Variants in PCED1A observed in about 807,000 individuals in gnomAD.
PCED1A encodes the protein PC-esterase domain containing 1A.
Under a neutral mutation model 41.9 loss-of-function variants are expected in PCED1A, and 20 were observed. The ratio of observed to expected loss-of-function variants is 0.48; its 90% CI spans 0.34 to 0.69. The LOEUF (loss-of-function observed/expected upper bound fraction) is 0.69. Among genes scored for constraint, PCED1A ranks in the 30% least tolerant of loss-of-function variants. The pLI is 0.01. For missense variants in PCED1A, 498 were observed against 602.1 expected, an observed-to-expected ratio of 0.83 and a Z score of 1.81; for synonymous variants, 236 against 241.3, an observed-to-expected ratio of 0.98 and a Z score of 0.20.
chr20:2,840,662 C>CACG, upstream of PCED1A: 2 of 1,203,620 alleles, frequency 1.7e-6, no homozygotes, highest in Non-Finnish European at 2.4e-6. Context: ...TGGTGATGGC[C>CACG]GCGGCGGCGG....
At position 2,839,022 on chromosome 20, in the gene PCED1A, T is replaced by C. The variant is rs758165691; in HGVS notation, c.265A>G (p.Asn89Asp). The change falls in exon 4 of 8, where the codon AAC (asparagine) becomes GAC (aspartate). Residue 89 changes from asparagine (N) to aspartate (D), a missense_variant. Physicochemically the swap from Asn to Asp is conservative, Grantham distance 23. This residue lies in a region of PCED1A where 253 missense variants were observed against 369.7 expected (regional missense o/e 0.68). Transcript: ENST00000360652. ...VAGGQLGELH[N>D]GTQYREVRQF... Reference sequence around the variant, plus strand: ...CGGACCTCACGATACTGTGTCCCGTTGTGCAGCTCGCCCAGCTGGCCCCCA... The same window carrying C: ...CGGACCTCACGATACTGTGTCCCGTCGTGCAGCTCGCCCAGCTGGCCCCCA... 7 of 1,613,638 alleles carry C rather than the reference T, an allele frequency of 4.3e-6. No individual in the cohort carries two copies. The highest frequency in any genetic ancestry group is 5.9e-6 in the Non-Finnish European group (7 of 1,180,014).
chr20:2,838,285 G>T lies in PCED1A; in HGVS notation c.788C>A (p.Thr263Asn), dbSNP rs149287595. The T allele has an allele frequency of 5.0e-6, 8 of 1,614,246 alleles. No individual in the cohort carries two copies. The East Asian group carries it at 6.7e-5, about 13-fold the overall frequency. ...CACGCCCCAGGCGTCAGCCACATGG[G>T]TCAGAAGCAGGTGTGAGAGGTGGCG... ...AHRHLSHLLLTHVADAWGVEL... is the reference protein window; with the variant it reads ...AHRHLSHLLLNHVADAWGVEL... Residue 263 changes from threonine to asparagine, a missense_variant, in exon 6 of 8, where the codon ACC becomes AAC. By Grantham distance (65) the Thr-to-Asn change is moderately conservative. Transcript: ENST00000360652. This position sits in a 1 kb window ranked among gnomAD's most constrained non-coding sequence, Gnocchi z 5.8.
In PCED1A at chr20:2,840,611, G is replaced by C. The variant is rs1191350922; in HGVS notation, c.-422C>G. The C allele has an allele frequency of 4.0e-6, 3 of 750,860 alleles. No homozygotes were observed. Among genetic ancestry groups the C allele is most frequent in the African/African-American group, 3.5e-5 (2 of 56,378 alleles). 46.5% of individuals were successfully genotyped at this position (750,860 alleles called of 1,614,324 possible). On this transcript the variant is annotated 5_prime_UTR_variant, in exon 1 of 8. Transcript: ENST00000360652. ...TGGCGGGCGCGAAGCCCAGGTACGG[G>C]CTGGGGTCTCGGGGCGGCAGCCAAG...
Position 2,840,229 on chromosome 20 carries a change from G to A in PCED1A, c.-40C>T, listed in dbSNP as rs750961843. On this transcript the variant is annotated 5_prime_UTR_variant, in exon 1 of 8. Transcript: ENST00000360652. The stretch of plus-strand genomic sequence containing the variant: ...CAATTACCAAGTCCCGGGGCTCCGC[G>A]GTGTTCACCCGCGACCCGGGTATGC... The A allele has an allele frequency of 1.8e-5, 5 of 278,272 alleles. No individual in the cohort carries two copies. Among genetic ancestry groups the A allele is most frequent in the Non-Finnish European group, 3.3e-5 (5 of 149,976 alleles). The allele number at this position is 278,272 out of a possible 1,614,324, so 17.2% of individuals were successfully genotyped here.
chr20:2,839,653 A>AT, intron 2 of PCED1A, 136 bp downstream of exon 2: 1 of 1,297,218 alleles, frequency 7.7e-7, no homozygotes, highest in African/African-American at 1.5e-5. Flanking sequence ...TGTGTGGGAC[A>AT]TAAAAAGAGA....
intron 2 of PCED1A, 59 bp downstream of exon 2, chr20:2,839,730 C>CA: frequency 6.3e-7 from 1 of 1,598,064 alleles, no homozygotes; most frequent in Non-Finnish European, 8.5e-7. Flanking sequence ...ATGGTCCAGA[C>CA]ACACTGAACG....
chr20:2,835,396 G>A lies in PCED1A; in HGVS notation c.*66C>T. The A allele has an allele frequency of 6.5e-7, 1 of 1,542,262 alleles. No homozygotes were observed. Among genetic ancestry groups the A allele is most frequent in the South Asian group, 1.2e-5 (1 of 80,128 alleles). The stretch of plus-strand genomic sequence containing the variant: ...CAGGCATAGCAGACACCCTAGCCCA[G>A]TACCTGAGGTGCCAGGCAGGCCCTG... On this transcript the variant is annotated 3_prime_UTR_variant, in exon 8 of 8. Transcript: ENST00000360652.
chr20:2,840,982 TTGGGC>T, upstream of PCED1A: 1 of 703,176 alleles, frequency 1.4e-6, no homozygotes, highest in East Asian at 2.9e-5. Context: ...ACAGCCGCCT[TTGGGC>T]AGGGAGCCGG....
Position 2,835,622 on chromosome 20 carries a change from A to G in PCED1A, c.1205T>C (p.Val402Ala). The G allele has an allele frequency of 6.2e-7, 1 of 1,612,734 alleles. No homozygotes were observed. Among genetic ancestry groups the G allele is most frequent in the African/African-American group, 1.3e-5 (1 of 75,050 alleles). Residue 402 changes from valine to alanine, a missense_variant, in exon 8 of 8, where the codon GTG becomes GCG. Transcript: ENST00000360652. ...PNPHGQHWGP[V>A]VHRGMPRYVP... ...ATAGCGTGGCATCCCCCGGTGGACCACTGGGCCCCAGTGCTGACCATGGGG... is the reference window on the plus strand; with the variant it reads ...ATAGCGTGGCATCCCCCGGTGGACCGCTGGGCCCCAGTGCTGACCATGGGG...
Position 2,840,426 on chromosome 20 carries a change from C to T in PCED1A, c.-237G>A, listed in dbSNP as rs1047942130. 1.8e-5 allele frequency: 7 copies of T among 391,758 alleles called. No homozygotes were observed. Among genetic ancestry groups the T allele is most frequent in the South Asian group, 2.7e-5 (1 of 36,754 alleles). 24.3% of individuals were successfully genotyped at this position (391,758 alleles called of 1,614,324 possible). A position where few individuals can be genotyped will look rare whatever the true frequency, so the allele number is the denominator to read the frequency against. ...GCTCTCCATGCGAGCGTCGCTGTGGCCCCGACGGCGCCTCAGGCCTCGGCG... is the reference window on the plus strand; with the variant it reads ...GCTCTCCATGCGAGCGTCGCTGTGGTCCCGACGGCGCCTCAGGCCTCGGCG... On this transcript the variant is annotated 5_prime_UTR_variant, in exon 1 of 8. Coordinates refer to ENST00000360652, the MANE Select transcript of PCED1A (RefSeq NM_022760.6).
chr20:2,838,349 G>A lies in PCED1A; in HGVS notation c.724C>T (p.Arg242Cys), dbSNP rs377522096. ...HFHFRHAVQH[R>C]HRDGVHWDQH... ...TCCCAGTGGACACCATCCCGATGAC[G>A]GTGCTGTACTGCATGCCGGAAGTGA... The change falls in exon 6 of 8, where the codon CGT becomes TGT. Residue 242 changes from arginine (R) to cysteine (C), a missense_variant. By Grantham distance (180) the Arg-to-Cys change is radical (BLOSUM62 -3). Transcript: ENST00000360652. This position sits in a 1 kb window ranked among gnomAD's most constrained non-coding sequence, Gnocchi z 5.8. 11 of 1,614,122 alleles carry A rather than the reference G, an allele frequency of 6.8e-6. No individual in the cohort carries two copies. The highest frequency in any genetic ancestry group is 3.3e-5 in the Admixed American group (2 of 60,010).
intron 6 of PCED1A, 109 bp from the exon 7 acceptor site, chr20:2,836,423 C>G: frequency 1.0e-6 from 1 of 963,090 alleles, no homozygotes; most frequent in Non-Finnish European, 1.7e-6. Context: ...GCAGAGCCAC[C>G]AGGCTGGAGC....
intron 2 of PCED1A, 36 bp downstream of exon 2, chr20:2,839,753 T>C: frequency 6.2e-7 from 1 of 1,610,666 alleles, no homozygotes. Context: ...CTGCAAGGTG[T>C]GGGACTGGAA....
rs201684950 is a variant in PCED1A at position 2,835,565 on chromosome 20, A to G, written c.1262T>C (p.Met421Thr). The change falls in exon 8 of 8, where the codon ATG becomes ACG. Residue 421 changes from methionine (M) to threonine (T), a missense_variant. By Grantham distance (81) the Met-to-Thr change is moderately conservative. Coordinates refer to ENST00000360652, the MANE Select transcript of PCED1A (RefSeq NM_022760.6). ...VPNSPYHVRR[M>T]GGPCRQRLRH... is the part of the protein sequence containing the mutation. ...GAGCCGCTGCCTGCAGGGCCCCCCC[A>G]TTCTCCGCACATGGTAGGGGCTGTT... is the stretch of plus-strand genomic sequence containing the variant. 2.4e-5 allele frequency: 38 copies of G among 1,614,110 alleles called. No individual in the cohort carries two copies. In the East Asian group the frequency reaches 5.3e-4, roughly 23 times the overall value.
Position 2,838,212 on chromosome 20 carries a change from C to G in PCED1A, c.841+20G>C, listed in dbSNP as rs974758462. 2.5e-6 allele frequency: 4 copies of G among 1,613,670 alleles called. No homozygotes were observed. Among genetic ancestry groups the G allele is most frequent in the Admixed American group, 1.7e-5 (1 of 60,026 alleles). ...AGGGCCCCAGTGCATCACTACCCCC[C>G]CACTTATGGTAGGGCTCACCAGGGG... On this transcript the variant is annotated intron_variant, in intron 6 of 7. Coordinates refer to ENST00000360652, the MANE Select transcript of PCED1A (RefSeq NM_022760.6). This position sits in a 1 kb window ranked among gnomAD's most constrained non-coding sequence, Gnocchi z 5.8.
chr20:2,839,853 G>A lies in PCED1A; in HGVS notation c.60C>T (p.His20=), dbSNP rs760508488. 4 of 1,614,204 alleles carry A rather than the reference G, an allele frequency of 2.5e-6. No homozygotes were observed. Among genetic ancestry groups the A allele is most frequent in the Non-Finnish European group, 3.4e-6 (4 of 1,180,014 alleles). Residue 20 remains histidine (H), a synonymous_variant, in exon 2 of 8, where the codon CAC becomes CAT. Transcript: ENST00000360652. ...PRRPLRSDMV[H]FQASEVQQLL... ...GCTGCTGGACTTCCGAGGCCTGGAA[G>A]TGGACCATGTCGCTTCGCAGCGGGC...
At chr20:2,840,160 C>T (rs2088933070) in intron 1 of PCED1A, 51 bp downstream of exon 1, 2 of 385,008 alleles carry the variant, frequency 5.2e-6, no homozygotes, top group African/African-American at 2.1e-5. Flanking sequence ...TGCGCCTCGC[C>T]ACGTGCCCGC....
At position 2,839,301 on chromosome 20, in the gene PCED1A, G is replaced by GTCA. The variant is rs774467185; in HGVS notation, c.125-31_125-30insTGA. Reference sequence around the variant, plus strand: ...GAGGAGACAGAGATCCCAAGGCTGAGGCAGACCTCAGCCTGCCCCAGCTCC... The same window carrying GTCA: ...GAGGAGACAGAGATCCCAAGGCTGAGTCAGCAGACCTCAGCCTGCCCCAGCTCC... On this transcript the variant is annotated intron_variant, in intron 2 of 7. Transcript: ENST00000360652. The GTCA allele has an allele frequency of 2.8e-5, 45 of 1,607,602 alleles. No homozygotes were observed. The African/African-American group carries it at 6.0e-4, about 21-fold the overall frequency.
At position 2,840,085 on chromosome 20, in the gene PCED1A, A is replaced by G. The variant is rs1321556512; in HGVS notation, c.-22+126T>C. ...CAGCCTTGGTCACACTTGGTACCAG[A>G]GGCAGGGGGTCGTCCAGCCAGCAGG... is the stretch of plus-strand genomic sequence containing the variant. On this transcript the variant is annotated intron_variant, in intron 1 of 7. Transcript: ENST00000360652. 4 of 752,948 alleles carry G rather than the reference A, an allele frequency of 5.3e-6. No homozygotes were observed. In the African/African-American group the frequency reaches 5.5e-5, roughly 10 times the overall value. 46.6% of individuals were successfully genotyped at this position (752,948 alleles called of 1,614,324 possible). A position where few individuals can be genotyped will look rare whatever the true frequency, so the allele number is the denominator to read the frequency against.
Sources: allele counts gnomAD v4.1 joint callset, GRCh38; gene constraint gnomAD v4.1.1; regional missense constraint gnomAD v4.1.1; non-coding constraint Gnocchi (gnomAD v3.1); transcripts MANE v1.5; gene names NCBI Gene and HGNC (gene_info 2026-07-23, HGNC 2026-07-21).